Variants in WDFY4 observed in about 807,000 individuals in gnomAD.
The protein encoded by WDFY4 is WDFY family member 4.
Under a neutral mutation model 351.9 loss-of-function variants are expected in WDFY4, and 169 were observed. The ratio of observed to expected loss-of-function variants is 0.48; its 90% CI spans 0.42 to 0.55. The LOEUF is 0.55. Ranked by LOEUF, WDFY4 falls within the 20% of genes least tolerant of loss-of-function variation. The pLI is 0.00. For missense variants in WDFY4, 3,803 were observed against 3,935.6 expected, an observed-to-expected ratio of 0.97 and a Z score of 0.90; for synonymous variants, 1,622 against 1,574.6, an observed-to-expected ratio of 1.03 and a Z score of -0.71.
chr10:48,882,973 TC>T (rs2070312236), intron 43 of WDFY4, among the ~76,000 whole-genome samples: 1 of 152,212 alleles, frequency 6.6e-6, no homozygotes, highest in Admixed American at 6.5e-5. Flanking sequence ...CTCAGATCTC[TC>T]TTATTCTCAG....
At chr10:48,893,550 A>C (rs912022018) in intron 44 of WDFY4, among the ~76,000 whole-genome samples, 8 of 152,210 alleles carry the variant, frequency 5.3e-5, no homozygotes, top group African/African-American at 1.7e-4. Context: ...TTTCTGTTTT[A>C]TTCAGTTCAA....
Position 48,777,402 on chromosome 10 carries a change from C to A in WDFY4, c.3099-17C>A, listed in dbSNP as rs2066069340. ...TGGCTTGCAGTCCAATGATCTGAGA[C>A]AATTTTCTATTTCCAGCTGTTTGTT... On this transcript the variant is annotated splice_polypyrimidine_tract_variant and intron_variant, in intron 16 of 61. Coordinates refer to ENST00000325239, the MANE Select transcript of WDFY4 (RefSeq NM_001394531.1). The A allele has an allele frequency of 6.4e-7, 1 of 1,550,910 alleles. No homozygotes were observed. Among genetic ancestry groups the A allele is most frequent in the African/African-American group, 1.4e-5 (1 of 73,006 alleles).
At chr10:48,716,932 A>C (rs1411232783) in intron 2 of WDFY4, among the ~76,000 whole-genome samples, 2 of 152,184 alleles carry the variant, frequency 1.3e-5, no homozygotes, top group East Asian at 1.9e-4. Flanking sequence ...AGGGATTAAC[A>C]TGTCTGAGTG....
chr10:48,744,263 G>C (rs2064943745), intron 12 of WDFY4, among the ~76,000 whole-genome samples: 1 of 152,160 alleles, frequency 6.6e-6, no homozygotes, highest in Non-Finnish European at 1.5e-5. Flanking sequence ...ATAAATGACA[G>C]AACACCCATT....
At chr10:48,929,406 C>A (rs1351270966) in intron 47 of WDFY4, among the ~76,000 whole-genome samples, 1 of 152,150 alleles carries the variant, frequency 6.6e-6, no homozygotes, top group Non-Finnish European at 1.5e-5. Flanking sequence ...GTCCTGGACT[C>A]CATACTCCAG....
intron 42 of WDFY4, among the ~76,000 whole-genome samples, chr10:48,876,477 A>G (rs2070014321): frequency 6.6e-6 from 1 of 152,244 alleles, no homozygotes; most frequent in African/African-American, 2.4e-5. Context: ...ACAACATTTT[A>G]AAATGTCATC....
In WDFY4 at chr10:48,743,349, G is replaced by A. The variant is rs577366820; in HGVS notation, c.2260G>A (p.Gly754Ser). Reference protein sequence around the residue: ...DLLGTAFSSSGSLPPRIQSCL... With the variant: ...DLLGTAFSSSSSLPPRIQSCL... ...GCTGGGCACTGCCTTTTCCTCCAGC[G>A]GCTCACTCCCACCCCGGATACAGAG... Residue 754 changes from glycine (G) to serine (S), a missense_variant, in exon 12 of 62, where the codon GGC becomes AGC. Around this residue, in one of 3 missense-constraint regions of WDFY4, gnomAD observed 3,054 missense variants for 3,148.6 expected, o/e 0.97. Coordinates refer to ENST00000325239, the MANE Select transcript of WDFY4 (RefSeq NM_001394531.1). The A allele has an allele frequency of 4.1e-5, 64 of 1,551,620 alleles. No individual in the cohort carries two copies. Among genetic ancestry groups the A allele is most frequent in the Non-Finnish European group, 4.9e-5 (56 of 1,146,970 alleles).
At chr10:48,911,407 T>C (rs1242274628) in intron 47 of WDFY4, among the ~76,000 whole-genome samples, 1 of 152,226 alleles carries the variant, frequency 6.6e-6, no homozygotes, top group Non-Finnish European at 1.5e-5. Flanking sequence ...TTTAACACAA[T>C]ATTTCCAATA....
chr10:48,688,286 T>A (rs1217049797), intron 1 of WDFY4, among the ~76,000 whole-genome samples: 1 of 152,232 alleles, frequency 6.6e-6, no homozygotes, highest in Non-Finnish European at 1.5e-5. Flanking sequence ...CCATCCTGTC[T>A]TGAGAATTCT....
At chr10:48,708,532 C>T (rs1197510724) in intron 1 of WDFY4, among the ~76,000 whole-genome samples, 2 of 152,174 alleles carry the variant, frequency 1.3e-5, no homozygotes. Flanking sequence ...GGATCCTGAA[C>T]ATTTTGGTCC....
intron 47 of WDFY4, among the ~76,000 whole-genome samples, chr10:48,902,187 A>G (rs7069142): frequency 0.52 from 78,929 of 152,168 alleles, 20,819 homozygotes; most frequent in East Asian, 0.71. Flanking sequence ...AGGCCCTCCC[A>G]TGGGGGTGTG....
At chr10:48,982,448 G>A in intron 61 of WDFY4, 61 bp from the exon 62 acceptor site, 1 of 1,401,208 alleles carries the variant, frequency 7.1e-7, no homozygotes, top group Non-Finnish European at 9.5e-7. Flanking sequence ...TATCCCATGT[G>A]CTGGCGGGGA....
chr10:48,896,896 C>G (rs1434342775), intron 44 of WDFY4, among the ~76,000 whole-genome samples: 1 of 152,122 alleles, frequency 6.6e-6, no homozygotes, highest in Non-Finnish European at 1.5e-5. Context: ...AACGAGAACA[C>G]CTGGGCAGAG....
chr10:48,817,367 C>T lies in WDFY4; in HGVS notation c.5463C>T (p.Leu1821=), dbSNP rs769635770. 3.9e-6 allele frequency: 6 copies of T among 1,551,672 alleles called. No individual in the cohort carries two copies. In the South Asian group the frequency reaches 7.1e-5, roughly 18 times the overall value. Reference sequence around the variant, plus strand: ...CAGCGTGGCGAGCCCCGGAGTTCCTCCAGACCTTGGCCATAGCCGCCTTCC... The same window carrying T: ...CAGCGTGGCGAGCCCCGGAGTTCCTTCAGACCTTGGCCATAGCCGCCTTCC... The part of the protein sequence containing the change: ...QDPAWRAPEF[L]QTLAIAAFPL... Residue 1821 remains leucine (L), a synonymous_variant, in exon 32 of 62, where the codon CTC becomes CTT. Coordinates refer to ENST00000325239, the MANE Select transcript of WDFY4 (RefSeq NM_001394531.1).
At chr10:48,941,914 C>T (rs1190802455) in intron 48 of WDFY4, 66 bp downstream of exon 48, 25 of 1,458,370 alleles carry the variant, frequency 1.7e-5, no homozygotes, top group Admixed American at 1.4e-4. Context: ...CAGGCCCCAG[C>T]GATGGAGAGG....
rs760729797 is a variant in WDFY4 at position 48,826,917 on chromosome 10, C to A, written c.6221+8C>A. ...GCTACTCAATGAGAGAAGGTAAGAG[C>A]TGCCCACTTGTTTCCTTGTCTGCTG... On this transcript the variant is annotated splice_region_variant and intron_variant, in intron 36 of 61. Transcript: ENST00000325239. The A allele has an allele frequency of 2.3e-5, 35 of 1,548,684 alleles. No individual in the cohort carries two copies. Among genetic ancestry groups the A allele is most frequent in the Non-Finnish European group, 2.7e-5 (31 of 1,144,444 alleles).
chr10:48,782,545 A>G (rs60048486), intron 19 of WDFY4, among the ~76,000 whole-genome samples: 8,718 of 152,266 alleles, frequency 0.057, 586 homozygotes, highest in East Asian at 0.34. Context: ...GTGTTGCTAT[A>G]TGGAGTGGCC....
chr10:48,805,320 C>T lies in WDFY4; in HGVS notation c.4545C>T (p.Phe1515=), dbSNP rs930470066. ...CACAGCTTATACCCAAGCTCATCTTCCTATTCAATGAGCCGAGCCTCATCC... is the reference window on the plus strand; with the variant it reads ...CACAGCTTATACCCAAGCTCATCTTTCTATTCAATGAGCCGAGCCTCATCC... ...HQAQLIPKLI[F]LFNEPSLIPS... is the part of the protein sequence containing the mutation. Residue 1515 remains phenylalanine (F), a synonymous_variant, in exon 26 of 62, where the codon TTC becomes TTT. Coordinates refer to ENST00000325239, the MANE Select transcript of WDFY4 (RefSeq NM_001394531.1). 1.1e-5 allele frequency: 17 copies of T among 1,548,396 alleles called. No homozygotes were observed. The African/African-American group carries it at 1.9e-4, about 17-fold the overall frequency.
intron 13 of WDFY4, among the ~76,000 whole-genome samples, chr10:48,772,158 G>C (rs981230576): frequency 6.6e-6 from 1 of 152,138 alleles, no homozygotes; most frequent in African/African-American, 2.4e-5. Context: ...GTTGAGGGAA[G>C]GACTCGGGAG....
Sources: gnomAD v4.1 joint callset for allele counts (sites outside exome capture counted in the v4.1 genomes callset) on GRCh38, gnomAD v4.1.1 for gene constraint, gnomAD v4.1.1 regional missense constraint, MANE v1.5 for transcripts, NCBI Gene and HGNC (gene_info 2026-07-23, HGNC 2026-07-21) for gene names.